The following BCAT1 variants were observed in gnomAD, a reference collection of about 807,000 sequenced individuals.
The protein encoded by BCAT1 is branched chain amino acid transaminase 1.
A neutral mutation model predicts 52.4 loss-of-function variants in BCAT1; 48 were observed. The ratio of observed to expected loss-of-function variants is 0.92; its 90% CI spans 0.73 to 1.16. The LOEUF (loss-of-function observed/expected upper bound fraction) is 1.16. Among genes scored for constraint, BCAT1 ranks in the 50% most tolerant of loss-of-function variants. The pLI is 0.00. For missense variants in BCAT1, 451 were observed against 457.1 expected (o/e 0.99, Z 0.12); for synonymous variants, 167 against 161.3 (o/e 1.04, Z -0.27).
At position 24,891,453 on chromosome 12, in the gene BCAT1, T is replaced by G. The variant is rs141052101; in HGVS notation, c.279+2822A>C. Among the ~76,000 whole-genome samples the G allele has an allele frequency of 5.5e-3, 836 of 152,246 alleles. 4 individuals carry two copies. The highest frequency in any genetic ancestry group is 0.019 in the African/African-American group (807 of 41,548). ...TGACGGACCCCAAGCAAAAACCACT[T>G]AGCCATCCTAGTCAACCCCAGAAAC... On this transcript the variant is annotated intron_variant, in intron 3 of 10. Coordinates refer to ENST00000261192, the MANE Select transcript of BCAT1 (RefSeq NM_005504.7).
intron 5 of BCAT1, among the ~76,000 whole-genome samples, chr12:24,866,948 C>T (rs904697842): frequency 1.7e-4 from 26 of 152,290 alleles, no homozygotes; most frequent in African/African-American, 6.0e-4. Flanking sequence ...TCGCTCTTTG[C>T]AGTAAATCTT....
intron 7 of BCAT1, among the ~76,000 whole-genome samples, chr12:24,840,716 A>G (rs1941147989): frequency 6.6e-6 from 1 of 152,238 alleles, no homozygotes; most frequent in Non-Finnish European, 1.5e-5. Context: ...GAATTCAGCC[A>G]CATCTAAATT....
chr12:24,908,595 G>A (rs1482797736), intron 1 of BCAT1, among the ~76,000 whole-genome samples: 2 of 152,138 alleles, frequency 1.3e-5, no homozygotes, highest in East Asian at 3.9e-4. Context: ...CAACAAATTA[G>A]TTGGGCGTGG....
chr12:24,831,484 A>T (rs1940664225), intron 9 of BCAT1, among the ~76,000 whole-genome samples: 1 of 152,154 alleles, frequency 6.6e-6, no homozygotes, highest in Non-Finnish European at 1.5e-5. Context: ...CCCCGTCTCT[A>T]CAAAAAATAC....
At chr12:24,859,613 C>G (rs1349938603) in intron 5 of BCAT1, among the ~76,000 whole-genome samples, 1 of 92,350 alleles carries the variant, frequency 1.1e-5, no homozygotes, top group Non-Finnish European at 2.1e-5. Flanking sequence ...GAGCCAGACT[C>G]GTCTCAAAAA....
chr12:24,887,080 A>AAAT (rs1245203518), intron 3 of BCAT1, among the ~76,000 whole-genome samples: 15 of 40,724 alleles, frequency 3.7e-4, no homozygotes, highest in Non-Finnish European at 6.8e-4. Flanking sequence ...AAAAAAAAAA[A>AAAT]ATATATATAT....
At chr12:24,873,600 TC>T (rs1380370633) in intron 5 of BCAT1, among the ~76,000 whole-genome samples, 1 of 152,252 alleles carries the variant, frequency 6.6e-6, no homozygotes, top group Non-Finnish European at 1.5e-5. Flanking sequence ...GCTTGGACTA[TC>T]CCTTATCCAC....
intron 1 of BCAT1, among the ~76,000 whole-genome samples, chr12:24,947,578 T>C (rs959040389): frequency 1.3e-5 from 2 of 152,246 alleles, no homozygotes; most frequent in African/African-American, 4.8e-5. Flanking sequence ...ATACCTAGAA[T>C]ACAATCATTT....
At chr12:24,867,145 C>G (rs551562180) in intron 5 of BCAT1, among the ~76,000 whole-genome samples, 3 of 151,980 alleles carry the variant, frequency 2.0e-5, no homozygotes, top group Non-Finnish European at 2.9e-5. Context: ...CCTGAGCCAA[C>G]GAGACCACGA....
chr12:24,891,226 G>A (rs1421651122), intron 3 of BCAT1, among the ~76,000 whole-genome samples: 4 of 152,174 alleles, frequency 2.6e-5, no homozygotes, highest in Admixed American at 1.3e-4. Context: ...GAGACCACAT[G>A]GAGAACAAGT....
intron 1 of BCAT1, among the ~76,000 whole-genome samples, chr12:24,938,715 A>G (rs192807595): frequency 1.8e-4 from 28 of 152,162 alleles, no homozygotes; most frequent in Middle Eastern, 6.8e-3. Flanking sequence ...TCTTACCCCC[A>G]TGTTCATCAG....
intron 10 of BCAT1, 47 bp downstream of exon 10, chr12:24,829,776 A>AAAAAG (rs200487471): frequency 1.6e-6 from 2 of 1,255,120 alleles, no homozygotes; most frequent in East Asian, 4.6e-5. Flanking sequence ...GTGACATAAA[A>AAAAAG]AAAAGAAAAG....
intron 3 of BCAT1, among the ~76,000 whole-genome samples, chr12:24,882,704 T>A (rs567720054): frequency 6.7e-6 from 1 of 149,734 alleles, no homozygotes; most frequent in Non-Finnish European, 1.5e-5. Flanking sequence ...GTTCAAGCAA[T>A]CCTCCCACCT....
chr12:24,812,489 A>G lies in BCAT1; in HGVS notation c.*5519T>C, dbSNP rs1053264286. The G allele has an allele frequency of 2.0e-5, 3 of 152,048 alleles. No individual in the cohort carries two copies. The highest frequency in any genetic ancestry group is 7.2e-5 in the African/African-American group (3 of 41,452). 9.4% of individuals were successfully genotyped at this position (152,048 alleles called of 1,614,324 possible). On this transcript the variant is annotated 3_prime_UTR_variant, in exon 11 of 11. Coordinates refer to ENST00000261192, the MANE Select transcript of BCAT1 (RefSeq NM_005504.7). ...TTGATAATAATCTAAAGTGGTTTCT[A>G]TGTAACACAACCTTCAGATTATAAC...
intron 1 of BCAT1, among the ~76,000 whole-genome samples, chr12:24,922,475 A>G (rs1161275329): frequency 6.6e-6 from 1 of 152,218 alleles, no homozygotes; most frequent in African/African-American, 2.4e-5. Context: ...AGATATCATC[A>G]TTATTATAGC....
intron 7 of BCAT1, among the ~76,000 whole-genome samples, chr12:24,838,739 G>A (rs1341797148): frequency 6.6e-6 from 1 of 152,130 alleles, no homozygotes; most frequent in Non-Finnish European, 1.5e-5. Context: ...CAACATTTGG[G>A]TGAGAAATAT....
At chr12:24,915,180 T>G (rs1943389203) in intron 1 of BCAT1, among the ~76,000 whole-genome samples, 1 of 152,194 alleles carries the variant, frequency 6.6e-6, no homozygotes, top group East Asian at 1.9e-4. Context: ...CAAAGGCAGT[T>G]TAGCAGGACT....
intron 5 of BCAT1, among the ~76,000 whole-genome samples, chr12:24,859,916 A>G (rs4963815): frequency 0.84 from 128,389 of 152,170 alleles, 54,475 homozygotes; most frequent in East Asian, 1. Flanking sequence ...GCTTTCTTTG[A>G]GTTGTATTTG....
At chr12:24,934,861 A>T (rs1158522201) in intron 1 of BCAT1, among the ~76,000 whole-genome samples, 1 of 152,218 alleles carries the variant, frequency 6.6e-6, no homozygotes, top group Non-Finnish European at 1.5e-5. Context: ...CTTGGCTATC[A>T]GTTGTACCAC....
Sources: allele counts gnomAD v4.1 joint callset (sites outside exome capture counted in the v4.1 genomes callset), GRCh38; gene constraint gnomAD v4.1.1; transcripts MANE v1.5; gene names NCBI Gene and HGNC (gene_info 2026-07-23, HGNC 2026-07-21).